The following DUSP8 variants were observed in gnomAD, a reference collection of about 807,000 sequenced individuals.
The protein encoded by DUSP8 is dual specificity phosphatase 8.
DUSP8 carries 15 observed loss-of-function variants against 38.7 expected under a neutral mutation model. The observed-to-expected ratio is 0.39, with a 90% CI of 0.26 to 0.60. The LOEUF (loss-of-function observed/expected upper bound fraction) is 0.60, where lower values mean the gene tolerates loss of function less well. Ranked by LOEUF, DUSP8 falls within the 20% of genes least tolerant of loss-of-function variation. The pLI is 0.56. For synonymous variants in DUSP8, 458 were observed against 433.9 expected, an observed-to-expected ratio of 1.06 and a Z score of -0.69; for missense variants, 768 against 915.0, an observed-to-expected ratio of 0.84 and a Z score of 2.07.
At chr11:1,568,681 C>T (rs761331151) in intron 1 of DUSP8, among the ~76,000 whole-genome samples, 2 of 152,176 alleles carry the variant, frequency 1.3e-5, no homozygotes, top group Non-Finnish European at 2.9e-5. Flanking sequence ...TCAGCCCCTC[C>T]GCTCCTCTGC....
chr11:1,569,572 C>T (rs1158008475), intron 1 of DUSP8, among the ~76,000 whole-genome samples: 4 of 152,130 alleles, frequency 2.6e-5, no homozygotes, highest in East Asian at 1.9e-4. Flanking sequence ...CTCCAGTACC[C>T]GAGGGGTCAG....
upstream of DUSP8, among the ~76,000 whole-genome samples, chr11:1,572,582 C>T (rs1192778401): frequency 6.6e-6 from 1 of 151,608 alleles, no homozygotes; most frequent in African/African-American, 2.4e-5. This position sits in a 1 kb window ranked among gnomAD's most constrained non-coding sequence, Gnocchi z 4.7. Context: ...CCCAGGCCCC[C>T]CGTCACCCGG....
chr11:1,565,944 CAG>C lies in DUSP8; in HGVS notation c.-108-12_-108-11del. ...GCACATGGTGCTGGACCTGCAGGGA[CAG>C]GGGGATGGTCAGCAGTGCTGCGGGC... On this transcript the variant is annotated splice_polypyrimidine_tract_variant and intron_variant, in intron 1 of 6. Transcript: ENST00000397374. 2.3e-6 allele frequency: 2 copies of C among 859,804 alleles called. No individual in the cohort carries two copies. Among genetic ancestry groups the C allele is most frequent in the Non-Finnish European group, 1.9e-6 (1 of 537,206 alleles). 53.3% of individuals were successfully genotyped at this position (859,804 alleles called of 1,614,324 possible).
chr11:1,560,746 G>A (rs780786826), intron 3 of DUSP8, among the ~76,000 whole-genome samples: 7 of 152,162 alleles, frequency 4.6e-5, no homozygotes, highest in Non-Finnish European at 7.4e-5. Context: ...GGACAGCCCC[G>A]GGGAGGCGGA....
chr11:1,565,282 G>A (rs1357555784), intron 2 of DUSP8, among the ~76,000 whole-genome samples: 1 of 152,214 alleles, frequency 6.6e-6, no homozygotes, highest in Non-Finnish European at 1.5e-5. Flanking sequence ...GTGAGCCTGG[G>A]TTGGCCCTGG....
rs1362030746 is a variant in DUSP8 at position 1,554,390 on chromosome 11, G to A, written c.*2128C>T. ...TGGCCCGCCTCCCGCAGCACTGGAG[G>A]AGGCAGTGGCCAGGTGGGAGGGGCC... On this transcript the variant is annotated 3_prime_UTR_variant, in exon 7 of 7. Transcript: ENST00000397374. 1.4e-5 allele frequency: 2 copies of A among 145,556 alleles called. No homozygotes were observed. The highest frequency in any genetic ancestry group is 3.0e-5 in the Non-Finnish European group (2 of 67,706). The allele number at this position is 145,556 out of a possible 1,614,324, so 9.0% of individuals were successfully genotyped here.
chr11:1,565,030 C>A (rs991106464), intron 2 of DUSP8, among the ~76,000 whole-genome samples: 1 of 152,246 alleles, frequency 6.6e-6, no homozygotes, highest in African/African-American at 2.4e-5. Flanking sequence ...AATGAGCTGT[C>A]CTTCCCCAGA....
rs1194080467 is a variant in DUSP8, at chr11:1,554,341, G to A, written c.*2177C>T. On this transcript the variant is annotated 3_prime_UTR_variant, in exon 7 of 7. Coordinates refer to ENST00000397374, the MANE Select transcript of DUSP8 (RefSeq NM_004420.3). Reference sequence around the variant, plus strand: ...TTGGAGAGGACTCAGGGCTGGGTCAGGTGAAAGCCACCAGGTGGGGCCCTG... The same window carrying A: ...TTGGAGAGGACTCAGGGCTGGGTCAAGTGAAAGCCACCAGGTGGGGCCCTG... The A allele has an allele frequency of 6.6e-6, 1 of 152,336 alleles. No individual in the cohort carries two copies. Among genetic ancestry groups the A allele is most frequent in the East Asian group, 1.9e-4 (1 of 5,186 alleles). The allele number at this position is 152,336 out of a possible 1,614,324, so 9.4% of individuals were successfully genotyped here. A position where few individuals can be genotyped will look rare whatever the true frequency, so the allele number is the denominator to read the frequency against.
Position 1,556,591 on chromosome 11 carries a change from C to T in DUSP8, c.1805G>A (p.Arg602His), listed in dbSNP as rs761187621. ...GCCCAGGGCGGCCAGCTCCTCGCCGCGCGCGCGCCCCTCCACCATGCCCTC... is the reference window on the plus strand; with the variant it reads ...GCCCAGGGCGGCCAGCTCCTCGCCGTGCGCGCGCCCCTCCACCATGCCCTC... ...FEEGMVEGRARGEELAALGKQ... is the reference protein window; with the variant it reads ...FEEGMVEGRAHGEELAALGKQ... Residue 602 changes from arginine to histidine, a missense_variant, in exon 7 of 7, where the codon CGC (arginine) becomes CAC (histidine). By Grantham distance (29) the Arg-to-His change is conservative. Around this residue, in one of 3 missense-constraint regions of DUSP8, gnomAD observed 42 missense variants for 73.7 expected, o/e 0.57. Coordinates refer to ENST00000397374, the MANE Select transcript of DUSP8 (RefSeq NM_004420.3). This position sits in a 1 kb window ranked among gnomAD's most constrained non-coding sequence, Gnocchi z 5.2. The T allele has an allele frequency of 1.2e-5, 17 of 1,435,038 alleles. No individual in the cohort carries two copies. The African/African-American group carries it at 2.1e-4, about 17-fold the overall frequency. 88.9% of individuals were successfully genotyped at this position (1,435,038 alleles called of 1,614,324 possible). A position where few individuals can be genotyped will look rare whatever the true frequency, so the allele number is the denominator to read the frequency against.
chr11:1,562,374 C>T lies in DUSP8; in HGVS notation c.370+1477G>A, dbSNP rs540842012. 1.7e-3 allele frequency among the ~76,000 whole-genome samples: 260 copies of T among 152,258 alleles called. 1 individual carries two copies. Among genetic ancestry groups the T allele is most frequent in the African/African-American group, 6.2e-3 (257 of 41,540 alleles). ...CTGGCCTTTGGGAGGGGTCCTGTTA[C>T]ACCTGGTGAGCTGTAAAAAGCCCCA... is the stretch of plus-strand genomic sequence containing the variant. On this transcript the variant is annotated intron_variant, in intron 3 of 6. Coordinates refer to ENST00000397374, the MANE Select transcript of DUSP8 (RefSeq NM_004420.3).
chr11:1,569,546 CCT>C (rs1223562546), intron 1 of DUSP8, among the ~76,000 whole-genome samples: 4 of 152,104 alleles, frequency 2.6e-5, no homozygotes, highest in Non-Finnish European at 4.4e-5. Flanking sequence ...TGCAGGATCC[CCT>C]GAGAACCCCA....
chr11:1,566,437 C>T (rs547348328), intron 1 of DUSP8, among the ~76,000 whole-genome samples: 10 of 152,262 alleles, frequency 6.6e-5, no homozygotes, highest in African/African-American at 1.7e-4. Context: ...AGACTTGACT[C>T]CAGGGCAGCT....
chr11:1,556,186 G>A lies in DUSP8; in HGVS notation c.*332C>T, dbSNP rs540878750. ...TTATGTAAAAAGTGCACGAAAGCTC[G>A]GCAGCCTTTGCAAAGGTCAGCAGTG... On this transcript the variant is annotated 3_prime_UTR_variant, in exon 7 of 7. Coordinates refer to ENST00000397374, the MANE Select transcript of DUSP8 (RefSeq NM_004420.3). This position sits in a 1 kb window ranked among gnomAD's most constrained non-coding sequence, Gnocchi z 5.2. The A allele has an allele frequency of 1.1e-4, 26 of 244,554 alleles. No individual in the cohort carries two copies. Among genetic ancestry groups the A allele is most frequent in the South Asian group, 3.5e-4 (2 of 5,686 alleles). 15.1% of individuals were successfully genotyped at this position (244,554 alleles called of 1,614,324 possible). A position where few individuals can be genotyped will look rare whatever the true frequency, so the allele number is the denominator to read the frequency against.
chr11:1,561,438 C>T (rs891595148), intron 3 of DUSP8, among the ~76,000 whole-genome samples: 6 of 152,208 alleles, frequency 3.9e-5, no homozygotes, highest in Admixed American at 6.5e-5. Flanking sequence ...GGGCGGGGGC[C>T]GCCACCCCAC....
In DUSP8 at chr11:1,556,279, C is replaced by T. The variant is rs1299420189; in HGVS notation, c.*239G>A. 2.0e-6 allele frequency: 1 copy of T among 493,242 alleles called. No homozygotes were observed. The highest frequency in any genetic ancestry group is 3.9e-5 in the East Asian group (1 of 25,962). 30.6% of individuals were successfully genotyped at this position (493,242 alleles called of 1,614,324 possible). A position where few individuals can be genotyped will look rare whatever the true frequency, so the allele number is the denominator to read the frequency against. On this transcript the variant is annotated 3_prime_UTR_variant, in exon 7 of 7. Coordinates refer to ENST00000397374, the MANE Select transcript of DUSP8 (RefSeq NM_004420.3). The surrounding 1 kb of genome is among the most constrained non-coding windows in gnomAD (Gnocchi z 5.2). Reference sequence around the variant, plus strand: ...CCCAGCTTGCGACTGAAGGTGGCCTCGTATTGCTTAGAAACGTATGTTTCA... The same window carrying T: ...CCCAGCTTGCGACTGAAGGTGGCCTTGTATTGCTTAGAAACGTATGTTTCA...
Position 1,555,159 on chromosome 11 carries a change from C to T in DUSP8, c.*1359G>A, listed in dbSNP as rs1848602517. ...TCTGAAGGGCAGGGGTCCCAATGGC[C>T]CGAGGGGGTATGGGGCAGGGGCAGC... is the stretch of plus-strand genomic sequence containing the variant. On this transcript the variant is annotated 3_prime_UTR_variant, in exon 7 of 7. Coordinates refer to ENST00000397374, the MANE Select transcript of DUSP8 (RefSeq NM_004420.3). 4.0e-6 allele frequency: 4 copies of T among 987,894 alleles called. No homozygotes were observed. Among genetic ancestry groups the T allele is most frequent in the Non-Finnish European group, 4.8e-6 (4 of 830,222 alleles). The allele number at this position is 987,894 out of a possible 1,614,324, so 61.2% of individuals were successfully genotyped here.
intron 3 of DUSP8, among the ~76,000 whole-genome samples, chr11:1,561,246 G>T (rs1465563639): frequency 5.9e-5 from 9 of 152,306 alleles, no homozygotes; most frequent in Admixed American, 5.9e-4. Flanking sequence ...TGACTCGGGG[G>T]TTTCTGGGGC....
upstream of DUSP8, among the ~76,000 whole-genome samples, chr11:1,572,438 G>A (rs1295711437): frequency 6.7e-6 from 1 of 149,156 alleles, no homozygotes; most frequent in African/African-American, 2.4e-5. This position sits in a 1 kb window ranked among gnomAD's most constrained non-coding sequence, Gnocchi z 4.7. Context: ...GCGGGGGGGG[G>A]GCGGGGTGCA....
At position 1,565,596 on chromosome 11, in the gene DUSP8, C is replaced by G; in HGVS notation, c.231G>C (p.Gln77His). The G allele has an allele frequency of 6.3e-7, 1 of 1,599,812 alleles. No individual in the cohort carries two copies. The highest frequency in any genetic ancestry group is 8.5e-7 in the Non-Finnish European group (1 of 1,171,376). Residue 77 changes from glutamine (Q) to histidine (H), a missense_variant and splice_region_variant, in exon 2 of 7, where the codon CAG becomes CAC. Transcript: ENST00000397374. The stretch of plus-strand genomic sequence containing the variant: ...GCCTGGTGGGCAGTGGGCTGGGTAC[C>G]TGGCTGCGTGCAGCCGGCTGGATGA... Reference protein sequence around the residue: ...AELIQPAARSQVEATEPQDVV... With the variant: ...AELIQPAARSHVEATEPQDVV...
Sources: allele counts gnomAD v4.1 joint callset (sites outside exome capture counted in the v4.1 genomes callset), GRCh38; gene constraint gnomAD v4.1.1; regional missense constraint gnomAD v4.1.1; non-coding constraint Gnocchi (gnomAD v3.1); transcripts MANE v1.5; gene names NCBI Gene and HGNC (gene_info 2026-07-23, HGNC 2026-07-21).